Variants in CYFIP1 observed in about 807,000 individuals in gnomAD.
CYFIP1 encodes the protein cytoplasmic FMR1-interacting protein 1.
CYFIP1 carries 58 observed loss-of-function variants against 163.5 expected under a neutral mutation model. That is an observed-to-expected ratio of 0.35 (90% CI 0.29 to 0.44). CYFIP1 has a LOEUF of 0.44. Among genes scored for constraint, CYFIP1 ranks in the 20% least tolerant of loss-of-function variants. The probability of loss-of-function intolerance (pLI) is 1.00; values close to 1 mark genes in which losing one functional copy is unlikely to be tolerated. For synonymous variants in CYFIP1, 663 were observed against 660.7 expected (o/e 1.00, Z -0.05); for missense variants, 1,338 against 1,653.8 (o/e 0.81, Z 3.31).
chr15:22,952,418 G>C (rs2062283564), intron 1 of CYFIP1, among the ~76,000 whole-genome samples: 1 of 152,038 alleles, frequency 6.6e-6, no homozygotes, highest in South Asian at 2.1e-4. Flanking sequence ...CACTTCAGGA[G>C]GCCGAGGCGG....
chr15:22,952,384 G>A (rs112297667), intron 1 of CYFIP1, among the ~76,000 whole-genome samples: 33,674 of 151,854 alleles, frequency 0.22, 4,229 homozygotes, highest in Middle Eastern at 0.34. Flanking sequence ...GGGAGGACGC[G>A]GTGGCTCCAG....
intron 1 of CYFIP1, among the ~76,000 whole-genome samples, chr15:22,960,296 T>C (rs532103914): frequency 6.6e-6 from 1 of 152,336 alleles, no homozygotes; most frequent in Non-Finnish European, 1.5e-5. Context: ...TTCCTCCACA[T>C]GCACCAAGAC....
chr15:22,964,353 TCACACACACACACACA>T (rs71117466), intron 1 of CYFIP1, among the ~76,000 whole-genome samples: 1,307 of 78,754 alleles, frequency 0.017, 33 homozygotes, highest in African/African-American at 0.06. Context: ...ACCTCATCAC[TCACACACACACACACA>T]CACACACACA....
chr15:22,906,081 T>C (rs1194208683), intron 21 of CYFIP1, among the ~76,000 whole-genome samples: 1 of 151,474 alleles, frequency 6.6e-6, no homozygotes, highest in Admixed American at 6.6e-5. Flanking sequence ...AAAACTTTCT[T>C]TTTTCCAATA....
rs192754062 is a variant in CYFIP1, at chr15:22,891,588, C to G, written c.2676+1302G>C. On this transcript the variant is annotated intron_variant, in intron 23 of 30. Transcript: ENST00000617928. ...CTCCTGCTCAGAGATGCTCTGAGTG[C>G]CGTAAAAAGGCCGCCCCCGGCCCAC... is the stretch of plus-strand genomic sequence containing the variant. Among the ~76,000 whole-genome samples, 251 of 152,302 alleles carry G rather than the reference C, an allele frequency of 1.6e-3. 2 individuals carry two copies. Among genetic ancestry groups the G allele is most frequent in the African/African-American group, 5.7e-3 (238 of 41,556 alleles).
At chr15:22,936,634 C>T (rs2061719497) in intron 9 of CYFIP1, among the ~76,000 whole-genome samples, 1 of 152,172 alleles carries the variant, frequency 6.6e-6, no homozygotes, top group South Asian at 2.1e-4. Context: ...CCTGTGACCC[C>T]CGGTCCCTCT....
chr15:22,924,947 C>T (rs1199663756), intron 13 of CYFIP1, among the ~76,000 whole-genome samples: 1 of 152,096 alleles, frequency 6.6e-6, no homozygotes, highest in Non-Finnish European at 1.5e-5. Context: ...TGGCATGCAC[C>T]TATAGTTTCA....
chr15:22,969,467 C>T (rs944345416), intron 1 of CYFIP1, among the ~76,000 whole-genome samples: 1 of 152,174 alleles, frequency 6.6e-6, no homozygotes, highest in Admixed American at 6.5e-5. Context: ...TTCTTGAGAC[C>T]ATGTTCTAAG....
At chr15:22,959,180 C>G (rs968107169) in intron 1 of CYFIP1, among the ~76,000 whole-genome samples, 1 of 152,210 alleles carries the variant, frequency 6.6e-6, no homozygotes, top group Admixed American at 6.5e-5. Flanking sequence ...GGGGCTGTTT[C>G]TTTCCCACCT....
intron 1 of CYFIP1, among the ~76,000 whole-genome samples, chr15:22,975,495 C>T (rs1204170245): frequency 1.3e-5 from 2 of 149,922 alleles, no homozygotes; most frequent in Non-Finnish European, 2.9e-5. Context: ...TGGCTAACGC[C>T]TGTAATCCCA....
intron 13 of CYFIP1, 85 bp downstream of exon 13, chr15:22,925,897 T>C: frequency 6.4e-7 from 1 of 1,567,358 alleles, no homozygotes; most frequent in Non-Finnish European, 8.7e-7. Flanking sequence ...AAACAGGCAG[T>C]TTTGTTCATG....
At chr15:22,909,067 CTT>C in intron 21 of CYFIP1, 125 bp downstream of exon 21, 1 of 1,239,686 alleles carries the variant, frequency 8.1e-7, no homozygotes, top group South Asian at 1.4e-5. Context: ...GAGTGCATCT[CTT>C]TTATTATCTA....
At chr15:22,899,489 T>C (rs1274634342) in intron 22 of CYFIP1, among the ~76,000 whole-genome samples, 1 of 152,122 alleles carries the variant, frequency 6.6e-6, no homozygotes, top group African/African-American at 2.4e-5. Context: ...CCCATGCTTT[T>C]TTCATGATTG....
At chr15:22,976,535 C>T (rs1355623040) in intron 1 of CYFIP1, among the ~76,000 whole-genome samples, 1 of 133,678 alleles carries the variant, frequency 7.5e-6, no homozygotes, top group Non-Finnish European at 1.8e-5. Flanking sequence ...ATTTCTGTTT[C>T]CCCAGTTATA....
At chr15:22,891,302 G>A (rs573948912) in intron 23 of CYFIP1, among the ~76,000 whole-genome samples, 1 of 152,210 alleles carries the variant, frequency 6.6e-6, no homozygotes, top group South Asian at 2.1e-4. Context: ...TTGCACACCT[G>A]TAATCCCAGC....
intron 22 of CYFIP1, among the ~76,000 whole-genome samples, chr15:22,900,371 C>T (rs1595549714): frequency 6.6e-6 from 1 of 151,592 alleles, no homozygotes; most frequent in Non-Finnish European, 1.5e-5. Context: ...TTCTGGACTC[C>T]AGAACCGTAA....
intron 1 of CYFIP1, among the ~76,000 whole-genome samples, chr15:22,967,800 T>C (rs941499022): frequency 6.8e-5 from 10 of 146,402 alleles, no homozygotes; most frequent in African/African-American, 2.0e-4. Context: ...CTTTGGGAGG[T>C]TGAGGTGGGA....
At chr15:22,968,961 C>T (rs545487733) in intron 1 of CYFIP1, among the ~76,000 whole-genome samples, 2 of 152,154 alleles carry the variant, frequency 1.3e-5, no homozygotes, top group East Asian at 3.9e-4. Flanking sequence ...TTCTTCAGAG[C>T]AAGCACATCT....
intron 10 of CYFIP1, 120 bp from the exon 11 acceptor site, chr15:22,932,460 G>A (rs1047059582): frequency 5.1e-6 from 3 of 584,298 alleles, no homozygotes; most frequent in African/African-American, 1.9e-5. Flanking sequence ...GTTTTTAAAG[G>A]GTTGTTTAAA....
Sources: allele counts gnomAD v4.1 joint callset (sites outside exome capture counted in the v4.1 genomes callset), GRCh38; gene constraint gnomAD v4.1.1; transcripts MANE v1.5; gene names NCBI Gene and HGNC (gene_info 2026-07-23, HGNC 2026-07-21).